The following CNTN4 variants were observed in gnomAD, a reference collection of about 807,000 sequenced individuals.
CNTN4 encodes contactin-4.
CNTN4 carries 77 observed loss-of-function variants against 122.5 expected under a neutral mutation model. The observed-to-expected ratio is 0.63, with a 90% CI of 0.52 to 0.76. The LOEUF (loss-of-function observed/expected upper bound fraction) is 0.76. Among genes scored for constraint, CNTN4 ranks in the 30% least tolerant of loss-of-function variants. The pLI, the probability that CNTN4 is intolerant of heterozygous loss-of-function variation, is 0.00. For missense variants in CNTN4, 1,256 were observed against 1,259.1 expected (o/e 1.00, Z 0.04); for synonymous variants, 512 against 447.0 (o/e 1.15, Z -1.83).
chr3:2,617,160 G>C (rs142099596), intron 4 of CNTN4, among the ~76,000 whole-genome samples: 5 of 152,204 alleles, frequency 3.3e-5, no homozygotes, highest in African/African-American at 1.2e-4. Flanking sequence ...TTAAACTAAA[G>C]AGCTTCTGCA....
At chr3:2,590,509 G>A (rs902729318) in intron 4 of CNTN4, among the ~76,000 whole-genome samples, 2 of 151,630 alleles carry the variant, frequency 1.3e-5, no homozygotes, top group Admixed American at 1.3e-4. Context: ...TGCCTGCCTC[G>A]CACTTTTCTG....
intron 2 of CNTN4, among the ~76,000 whole-genome samples, chr3:2,135,299 G>A (rs936865606): frequency 3.3e-5 from 5 of 152,126 alleles, no homozygotes; most frequent in African/African-American, 4.8e-5. Context: ...CTTGAAAAGA[G>A]GGATGTTCAT....
chr3:2,401,855 C>G (rs967317123), intron 3 of CNTN4, among the ~76,000 whole-genome samples: 2 of 152,138 alleles, frequency 1.3e-5, no homozygotes, highest in Non-Finnish European at 2.9e-5. Context: ...TAACCGAAAG[C>G]TCAAGAGATT....
intron 3 of CNTN4, among the ~76,000 whole-genome samples, chr3:2,509,625 G>A (rs923688829): frequency 6.6e-6 from 1 of 152,146 alleles, no homozygotes; most frequent in Non-Finnish European, 1.5e-5. Flanking sequence ...ACCCAATCAT[G>A]TATCCTTTGG....
chr3:2,277,094 A>C (rs1575241701), intron 2 of CNTN4, among the ~76,000 whole-genome samples: 1 of 152,306 alleles, frequency 6.6e-6, no homozygotes, highest in Non-Finnish European at 1.5e-5. Flanking sequence ...CCAAAAAAGC[A>C]AGAGAGGAGG....
At chr3:2,423,744 T>G (rs2047700420) in intron 3 of CNTN4, among the ~76,000 whole-genome samples, 2 of 152,138 alleles carry the variant, frequency 1.3e-5, no homozygotes, top group African/African-American at 4.8e-5. Flanking sequence ...TTTTTTGCTC[T>G]CTTTTAATAC....
chr3:2,835,601 T>G (rs768241542), intron 7 of CNTN4, among the ~76,000 whole-genome samples: 20 of 152,170 alleles, frequency 1.3e-4, no homozygotes, highest in Non-Finnish European at 2.4e-4. Flanking sequence ...GTCAATTTTA[T>G]ACAACACCAC....
At chr3:2,988,636 C>T in intron 14 of CNTN4, 164 bp downstream of exon 14, 1 of 734,420 alleles carries the variant, frequency 1.4e-6, no homozygotes, top group Non-Finnish European at 2.3e-6. Context: ...TCTTAGAAAA[C>T]TGCTGGTAAT....
intron 3 of CNTN4, among the ~76,000 whole-genome samples, chr3:2,495,110 TAGA>T (rs2076419579): frequency 6.6e-6 from 1 of 152,184 alleles, no homozygotes; most frequent in Non-Finnish European, 1.5e-5. Flanking sequence ...GCAGCTAAAG[TAGA>T]AGATTATTTG....
At chr3:2,627,699 T>A (rs564814801) in intron 4 of CNTN4, among the ~76,000 whole-genome samples, 3 of 152,108 alleles carry the variant, frequency 2.0e-5, no homozygotes, top group South Asian at 4.2e-4. Flanking sequence ...TTCACCGTGT[T>A]AGCCAGGATG....
At position 2,633,108 on chromosome 3, in the gene CNTN4, G is replaced by A. The variant is rs1034499273; in HGVS notation, c.55+61550G>A. Among the ~76,000 whole-genome samples the A allele has an allele frequency of 8.6e-5, 13 of 151,756 alleles. No homozygotes were observed. The East Asian group carries it at 2.3e-3, about 27-fold the overall frequency. On this transcript the variant is annotated intron_variant, in intron 4 of 24. Transcript: ENST00000418658. ...TTTTATAAATAGTCTTCTCCATGTT[G>A]TTTCTATATTCCAAAGAATTATTTA...
intron 6 of CNTN4, among the ~76,000 whole-genome samples, chr3:2,748,928 C>G (rs944633010): frequency 6.6e-6 from 1 of 152,104 alleles, no homozygotes; most frequent in African/African-American, 2.4e-5. Flanking sequence ...TTTTTTGCAA[C>G]AGGATCTTGA....
chr3:2,527,436 T>TGCTGCTGCTGCTGCTGCTGCTGCTGC (rs34375682), intron 3 of CNTN4, among the ~76,000 whole-genome samples: 2 of 150,330 alleles, frequency 1.3e-5, no homozygotes, highest in African/African-American at 2.5e-5. Flanking sequence ...GCTGCTGCTG[T>TGCTGCTGCTGCTGCTGCTGCTGCTGC]TGCTGTTATT....
chr3:2,378,004 T>G (rs1029874617), intron 3 of CNTN4, among the ~76,000 whole-genome samples: 2 of 152,224 alleles, frequency 1.3e-5, no homozygotes, highest in African/African-American at 4.8e-5. Context: ...CATGGTTTTT[T>G]CAGTTGTCTG....
intron 23 of CNTN4, among the ~76,000 whole-genome samples, chr3:3,051,926 A>G (rs768363037): frequency 1.3e-5 from 2 of 152,180 alleles, no homozygotes; most frequent in Non-Finnish European, 2.9e-5. Flanking sequence ...TTCTCAACGC[A>G]TGATCCCTGG....
intron 2 of CNTN4, among the ~76,000 whole-genome samples, chr3:2,315,470 A>G (rs2043064390): frequency 6.6e-6 from 1 of 151,992 alleles, no homozygotes; most frequent in Admixed American, 6.6e-5. Flanking sequence ...ATTAATAAGG[A>G]TGTTAACAGT....
At chr3:3,043,250 T>G in intron 22 of CNTN4, 87 bp downstream of exon 22, 53 of 1,188,638 alleles carry the variant, frequency 4.5e-5, no homozygotes, top group Middle Eastern at 1.9e-4. Context: ...CAATGATCAT[T>G]TGCATACTAA....
At chr3:2,438,819 A>G (rs527883989) in intron 3 of CNTN4, among the ~76,000 whole-genome samples, 1 of 152,200 alleles carries the variant, frequency 6.6e-6, no homozygotes, top group Non-Finnish European at 1.5e-5. Flanking sequence ...AGTTTTAAAC[A>G]GGATATGAAG....
chr3:2,138,099 C>T (rs968903936), intron 2 of CNTN4, among the ~76,000 whole-genome samples: 1 of 150,056 alleles, frequency 6.7e-6, no homozygotes, highest in Admixed American at 6.6e-5. Flanking sequence ...CGGAGTCTCG[C>T]TCTGTTGCTC....
Sources: gnomAD v4.1 joint callset for allele counts (sites outside exome capture counted in the v4.1 genomes callset) on GRCh38, gnomAD v4.1.1 for gene constraint, MANE v1.5 for transcripts, NCBI Gene and HGNC (gene_info 2026-07-23, HGNC 2026-07-21) for gene names.